C10orf67: variants seen among roughly 807,000 people sequenced by gnomAD.
C10orf67 encodes uncharacterized protein C10orf67, mitochondrial.
Under a neutral mutation model 35.6 loss-of-function variants are expected in C10orf67, and 60 were observed. The observed-to-expected ratio is 1.68, with a 90% CI of 1.37 to 2.09. The LOEUF is 2.09. C10orf67 is among the 30% of genes most tolerant of loss of function. The pLI is 0.00. For missense variants in C10orf67, 474 were observed against 330.2 expected, an observed-to-expected ratio of 1.44 and a Z score of -3.38; for synonymous variants, 167 against 115.8, an observed-to-expected ratio of 1.44 and a Z score of -2.84.
At chr10:23,247,037 T>C (rs1842334291) in intron 12 of C10orf67, among the ~76,000 whole-genome samples, 1 of 152,132 alleles carries the variant, frequency 6.6e-6, no homozygotes, top group Admixed American at 6.5e-5. Flanking sequence ...AGCTGTGTTA[T>C]TACAAAAGAG....
chr10:23,301,913 C>T (rs538092932), intron 5 of C10orf67, among the ~76,000 whole-genome samples: 2 of 152,342 alleles, frequency 1.3e-5, no homozygotes, highest in Admixed American at 1.3e-4. Flanking sequence ...AAGCCTTTAG[C>T]CTGATCGGGA....
chr10:23,242,195 T>C (rs1842201947), intron 12 of C10orf67, among the ~76,000 whole-genome samples: 1 of 152,064 alleles, frequency 6.6e-6, no homozygotes, highest in Non-Finnish European at 1.5e-5. Flanking sequence ...GGTCTTGAAC[T>C]CCTGACCTCA....
At chr10:23,270,553 G>T (rs1842990262) in intron 8 of C10orf67, among the ~76,000 whole-genome samples, 1 of 152,206 alleles carries the variant, frequency 6.6e-6, no homozygotes, top group Non-Finnish European at 1.5e-5. Context: ...CGGGGAAGGG[G>T]ACTGAATCCA....
In C10orf67 at chr10:23,291,220, C is replaced by A. The variant is rs745742896; in HGVS notation, c.762G>T (p.Glu254Asp). ...PKSNLEKENL[E>D]YKVENERLLQ... ...GCAGCCTCTCATTTTCCACTTTGTA[C>A]TCCAAATTTTCCTTTTCTAGGTTTG... Residue 254 changes from glutamate (E) to aspartate (D), a missense_variant, in exon 6 of 16, where the codon GAG becomes GAT. Physicochemically the swap from Glu to Asp is conservative, Grantham distance 45. Transcript: ENST00000636213. 1.4e-6 allele frequency: 1 copy of A among 716,882 alleles called. No homozygotes were observed. The highest frequency in any genetic ancestry group is 1.5e-5 in the South Asian group (1 of 67,506). The allele number at this position is 716,882 out of a possible 1,614,324, so 44.4% of individuals were successfully genotyped here. A position where few individuals can be genotyped will look rare whatever the true frequency, so the allele number is the denominator to read the frequency against.
At chr10:23,314,675 G>A (rs1312530265) in intron 4 of C10orf67, among the ~76,000 whole-genome samples, 3 of 152,086 alleles carry the variant, frequency 2.0e-5, no homozygotes, top group Non-Finnish European at 4.4e-5. Flanking sequence ...AGCTCACTCA[G>A]TTTGTAGAAA....
chr10:23,240,039 T>C (rs1319172594), intron 12 of C10orf67, among the ~76,000 whole-genome samples: 1 of 151,484 alleles, frequency 6.6e-6, no homozygotes, highest in African/African-American at 2.4e-5. Context: ...AAAAAAAAAA[T>C]AACCAGGCAT....
intron 15 of C10orf67, among the ~76,000 whole-genome samples, chr10:23,209,523 G>T (rs1180349383): frequency 6.6e-6 from 1 of 152,136 alleles, no homozygotes; most frequent in Non-Finnish European, 1.5e-5. Flanking sequence ...TAAGAGGGTA[G>T]GTAGCTCTTA....
chr10:23,277,781 C>T (rs1299484290), intron 8 of C10orf67, among the ~76,000 whole-genome samples: 2 of 152,072 alleles, frequency 1.3e-5, no homozygotes, highest in Non-Finnish European at 2.9e-5. Context: ...TAAAACCCAT[C>T]TGTGTTAGTC....
At chr10:23,247,270 T>C (rs1431678251) in intron 12 of C10orf67, among the ~76,000 whole-genome samples, 3 of 152,178 alleles carry the variant, frequency 2.0e-5, no homozygotes, top group Admixed American at 1.3e-4. Flanking sequence ...GCTCCATTCA[T>C]GGTAAGTGCC....
chr10:23,215,966 T>C (rs1841419552), intron 15 of C10orf67, among the ~76,000 whole-genome samples: 1 of 152,156 alleles, frequency 6.6e-6, no homozygotes, highest in Non-Finnish European at 1.5e-5. Context: ...GATTGAAGAA[T>C]AGCTATGACA....
intron 15 of C10orf67, among the ~76,000 whole-genome samples, chr10:23,209,808 T>C (rs936306725): frequency 1.8e-4 from 27 of 151,950 alleles, no homozygotes; most frequent in African/African-American, 6.5e-4. Context: ...AAGACCAGCC[T>C]GGGCAACATG....
intron 10 of C10orf67, among the ~76,000 whole-genome samples, chr10:23,264,541 G>A (rs968744060): frequency 6.6e-6 from 1 of 152,186 alleles, no homozygotes; most frequent in African/African-American, 2.4e-5. Flanking sequence ...CACCTTCTCA[G>A]AGATTTGTCA....
rs571264713 is a variant in C10orf67, at chr10:23,336,866, G to GA, written c.207-3685dup. 2.8e-4 allele frequency among the ~76,000 whole-genome samples: 42 copies of GA among 151,930 alleles called. No homozygotes were observed. The South Asian group carries it at 6.4e-3, about 23-fold the overall frequency. On this transcript the variant is annotated intron_variant, in intron 1 of 15. Coordinates refer to ENST00000636213, the MANE Select transcript of C10orf67 (RefSeq NM_001371909.1). ...CCACTAAAAGCAATGAAGTCTCCTT[G>GA]AAAAAATGGTTCATTCCAAGATTGG... is the stretch of plus-strand genomic sequence containing the variant.
rs1040436847 is a variant in C10orf67, at chr10:23,215,643, C to A, written c.1570+7955G>T. 5.9e-5 allele frequency among the ~76,000 whole-genome samples: 9 copies of A among 152,204 alleles called. No homozygotes were observed. In the East Asian group the frequency reaches 1.5e-3, roughly 26 times the overall value. On this transcript the variant is annotated intron_variant, in intron 15 of 15. Coordinates refer to ENST00000636213, the MANE Select transcript of C10orf67 (RefSeq NM_001371909.1). ...AGGTAGAAGAGGGTAATCCTTCCCA[C>A]TGAGTCGAGTACAGCCTTTATATCC...
At chr10:23,247,823 A>T (rs947192324) in intron 12 of C10orf67, among the ~76,000 whole-genome samples, 2 of 152,226 alleles carry the variant, frequency 1.3e-5, no homozygotes, top group African/African-American at 4.8e-5. Context: ...GAGAGGTGAC[A>T]GGCACTGGAT....
At chr10:23,262,134 TACACCAGGC>T (rs1842765404) in intron 10 of C10orf67, among the ~76,000 whole-genome samples, 1 of 152,058 alleles carries the variant, frequency 6.6e-6, no homozygotes, top group South Asian at 2.1e-4. Context: ...AGCGATGTAA[TACACCAGGC>T]AGCAGCACTG....
intron 2 of C10orf67, among the ~76,000 whole-genome samples, chr10:23,329,850 G>T (rs1018712817): frequency 2.0e-5 from 3 of 146,392 alleles, no homozygotes; most frequent in Non-Finnish European, 4.5e-5. Context: ...GGGCAATCTC[G>T]CTTAAAACAG....
At chr10:23,234,241 C>A (rs1645682787) in intron 13 of C10orf67, among the ~76,000 whole-genome samples, 1 of 152,150 alleles carries the variant, frequency 6.6e-6, no homozygotes, top group African/African-American at 2.4e-5. Context: ...AATTGCAGCA[C>A]TATTCACAAT....
chr10:23,217,184 T>C lies in C10orf67; in HGVS notation c.1570+6414A>G, dbSNP rs558125962. On this transcript the variant is annotated intron_variant, in intron 15 of 15. Coordinates refer to ENST00000636213, the MANE Select transcript of C10orf67 (RefSeq NM_001371909.1). ...AGATGGGCAACTTTGATTAAAGAAG[T>C]TGAACAAGCCAGGAATGTGATAAGC... Among the ~76,000 whole-genome samples the C allele has an allele frequency of 1.2e-4, 19 of 152,298 alleles. 1 individual carries two copies. The South Asian group carries it at 3.3e-3, about 27-fold the overall frequency.
Sources: gnomAD v4.1 joint callset for allele counts (sites outside exome capture counted in the v4.1 genomes callset) on GRCh38, gnomAD v4.1.1 for gene constraint, MANE v1.5 for transcripts, NCBI Gene and HGNC (gene_info 2026-07-23, HGNC 2026-07-21) for gene names.